AKAP13: variants seen among roughly 807,000 people sequenced by gnomAD.
The protein encoded by AKAP13 is A-kinase anchoring protein 13, also known as A-kinase anchor protein 13.
In AKAP13, 80 loss-of-function variants were observed where a neutral mutation model predicts 264.5. The observed-to-expected ratio is 0.30, with a 90% confidence interval of 0.25 to 0.36. The LOEUF (loss-of-function observed/expected upper bound fraction) is 0.36. Among genes scored for constraint, AKAP13 ranks in the 10% least tolerant of loss-of-function variants. The pLI, the probability that AKAP13 is intolerant of heterozygous loss-of-function variation, is 1.00. For synonymous variants in AKAP13, 1,380 were observed against 1,250.2 expected, an observed-to-expected ratio of 1.10 and a Z score of -2.19; for missense variants, 3,712 against 3,435.2, an observed-to-expected ratio of 1.08 and a Z score of -2.01.
chr15:85,557,370 A>G (rs964586191), intron 5 of AKAP13, among the ~76,000 whole-genome samples: 10 of 152,160 alleles, frequency 6.6e-5, no homozygotes, highest in African/African-American at 2.4e-4. Flanking sequence ...ATCGTTTTAT[A>G]TTTATTATGT....
chr15:85,562,265 A>G (rs1044226187), intron 5 of AKAP13, among the ~76,000 whole-genome samples: 2 of 152,136 alleles, frequency 1.3e-5, no homozygotes, highest in African/African-American at 2.4e-5. Context: ...TAGTATGCAT[A>G]TTAAGAATAT....
chr15:85,469,391 TC>T (rs896796208), intron 1 of AKAP13, among the ~76,000 whole-genome samples: 1 of 152,140 alleles, frequency 6.6e-6, no homozygotes, highest in Non-Finnish European at 1.5e-5. Flanking sequence ...TATTGGGTGT[TC>T]CTGTCAGCAG....
At chr15:85,548,729 G>A (rs1376233906) in intron 5 of AKAP13, among the ~76,000 whole-genome samples, 1 of 152,006 alleles carries the variant, frequency 6.6e-6, no homozygotes, top group Admixed American at 6.5e-5. Context: ...CCAGTTGATC[G>A]GTCTACCAGA....
intron 1 of AKAP13, among the ~76,000 whole-genome samples, chr15:85,467,520 C>G (rs561821410): frequency 6.6e-6 from 1 of 152,092 alleles, no homozygotes; most frequent in Non-Finnish European, 1.5e-5. Flanking sequence ...AATGTATTGT[C>G]AGGCTTTTTT....
intron 1 of AKAP13, among the ~76,000 whole-genome samples, chr15:85,464,021 C>T (rs992124397): frequency 2.0e-5 from 3 of 152,130 alleles, no homozygotes; most frequent in African/African-American, 7.2e-5. Flanking sequence ...AATTACTGCT[C>T]CCGAGGCCCT....
Position 85,476,777 on chromosome 15 carries a change from C to G in AKAP13, c.-11-8933C>G, listed in dbSNP as rs1170719937. On this transcript the variant is annotated intron_variant, in intron 1 of 36. Coordinates refer to ENST00000394518, the MANE Select transcript of AKAP13 (RefSeq NM_007200.5). ...TAAATACTAGAAGGTTGTCTCTAAT[C>G]TTAATGAGGACTCTGCAATCATCCT... 3.9e-5 allele frequency among the ~76,000 whole-genome samples: 6 copies of G among 152,202 alleles called. No homozygotes were observed. The East Asian group carries it at 1.2e-3, about 29-fold the overall frequency.
At chr15:85,560,113 C>T (rs1008455708) in intron 5 of AKAP13, among the ~76,000 whole-genome samples, 41 of 117,872 alleles carry the variant, frequency 3.5e-4, no homozygotes, top group African/African-American at 1.3e-3. Context: ...TCCTGTGATA[C>T]CTGCTGTCTC....
chr15:85,393,196 A>T (rs1463898182), intron 1 of AKAP13, among the ~76,000 whole-genome samples: 1 of 152,200 alleles, frequency 6.6e-6, no homozygotes, highest in African/African-American at 2.4e-5. Flanking sequence ...TGGTTTTTGG[A>T]TGCTTTGTAC....
intron 1 of AKAP13, among the ~76,000 whole-genome samples, chr15:85,397,599 G>A (rs1156665036): frequency 6.6e-6 from 1 of 152,152 alleles, no homozygotes; most frequent in Admixed American, 6.5e-5. Context: ...TGATCTATTG[G>A]TAGCTATTCA....
chr15:85,569,031 A>T (rs151094498), intron 5 of AKAP13, among the ~76,000 whole-genome samples: 73 of 152,332 alleles, frequency 4.8e-4, no homozygotes, highest in Admixed American at 6.5e-4. Context: ...CACGAAGTCA[A>T]CATGTTCAGA....
At chr15:85,556,496 T>A (rs1479418657) in intron 5 of AKAP13, among the ~76,000 whole-genome samples, 2 of 152,206 alleles carry the variant, frequency 1.3e-5, no homozygotes, top group Admixed American at 6.5e-5. Context: ...TAGTAAATAT[T>A]GTTAGCATCC....
chr15:85,648,844 T>C (rs1027568035), intron 10 of AKAP13, among the ~76,000 whole-genome samples: 10 of 152,002 alleles, frequency 6.6e-5, no homozygotes, highest in African/African-American at 2.4e-4. Context: ...GTCTCAAAAA[T>C]AAATAAATAA....
At chr15:85,563,840 C>T (rs2078504324) in intron 5 of AKAP13, among the ~76,000 whole-genome samples, 1 of 152,208 alleles carries the variant, frequency 6.6e-6, no homozygotes, top group South Asian at 2.1e-4. Context: ...TGCTTTTTCA[C>T]AGCAACCTTT....
intron 9 of AKAP13, among the ~76,000 whole-genome samples, chr15:85,644,781 G>A (rs760308786): frequency 9.2e-5 from 14 of 151,540 alleles, no homozygotes; most frequent in Non-Finnish European, 1.8e-4. Context: ...CAGGAGAATC[G>A]CTTGAACCCA....
intron 16 of AKAP13, among the ~76,000 whole-genome samples, chr15:85,686,993 A>G (rs1196235774): frequency 6.6e-6 from 1 of 152,162 alleles, no homozygotes; most frequent in Non-Finnish European, 1.5e-5. Context: ...ATAAGTGGAG[A>G]TTCCCCCTTT....
At chr15:85,445,529 C>A (rs571059003) in intron 1 of AKAP13, among the ~76,000 whole-genome samples, 1 of 152,158 alleles carries the variant, frequency 6.6e-6, no homozygotes, top group Admixed American at 6.5e-5. Context: ...TTTTTCTACC[C>A]ACTTGTCATA....
At chr15:85,611,207 C>T (rs1261596497) in intron 8 of AKAP13, among the ~76,000 whole-genome samples, 2 of 152,082 alleles carry the variant, frequency 1.3e-5, no homozygotes, top group Non-Finnish European at 2.9e-5. Context: ...TCCTTGATGC[C>T]ACTTCTGTGT....
intron 33 of AKAP13, among the ~76,000 whole-genome samples, chr15:85,738,893 T>C (rs2088751599): frequency 6.6e-6 from 1 of 151,946 alleles, no homozygotes; most frequent in Non-Finnish European, 1.5e-5. Flanking sequence ...TTTCCAGCCT[T>C]CTACATAACA....
intron 1 of AKAP13, chr15:85,415,261 GC>G: frequency 1.9e-6 from 3 of 1,574,828 alleles, no homozygotes; most frequent in Non-Finnish European, 2.6e-6. Flanking sequence ...GGAAGATGGC[GC>G]CTGGTGGACA....
Sources: allele counts gnomAD v4.1 joint callset (sites outside exome capture counted in the v4.1 genomes callset), GRCh38; gene constraint gnomAD v4.1.1; transcripts MANE v1.5; gene names NCBI Gene and HGNC (gene_info 2026-07-23, HGNC 2026-07-21).